The following CTNND2 variants were observed in gnomAD, a reference collection of about 807,000 sequenced individuals.
The protein encoded by CTNND2 is catenin delta 2.
A neutral mutation model predicts 144.4 loss-of-function variants in CTNND2; 22 were observed. The ratio of observed to expected loss-of-function variants is 0.15; its 90% CI spans 0.11 to 0.22. CTNND2 has a LOEUF of 0.22. CTNND2 is among the 10% of genes least tolerant of loss of function. The pLI, the probability that CTNND2 is intolerant of heterozygous loss-of-function variation, is 1.00. For missense variants in CTNND2, 1,353 were observed against 1,618.8 expected, an observed-to-expected ratio of 0.84 and a Z score of 2.82; for synonymous variants, 751 against 695.6, an observed-to-expected ratio of 1.08 and a Z score of -1.25.
intron 2 of CTNND2, among the ~76,000 whole-genome samples, chr5:11,717,324 A>G (rs970485919): frequency 1.3e-5 from 2 of 151,886 alleles, no homozygotes; most frequent in African/African-American, 4.8e-5. Context: ...CTGTAATCCC[A>G]GCACTTTGGG....
intron 1 of CTNND2, among the ~76,000 whole-genome samples, chr5:11,769,206 A>T (rs909685587): frequency 1.3e-5 from 2 of 152,132 alleles, no homozygotes; most frequent in African/African-American, 4.8e-5. Flanking sequence ...TTGAAAACCC[A>T]GACACAGAAA....
chr5:11,458,336 C>T (rs1765909502), intron 3 of CTNND2, among the ~76,000 whole-genome samples: 1 of 152,208 alleles, frequency 6.6e-6, no homozygotes, highest in Non-Finnish European at 1.5e-5. Flanking sequence ...GTAGTTTATA[C>T]ACACAGGATG....
intron 3 of CTNND2, among the ~76,000 whole-genome samples, chr5:11,520,107 A>G (rs192664662): frequency 2.5e-4 from 38 of 150,554 alleles, no homozygotes; most frequent in Admixed American, 2.5e-3. Flanking sequence ...AGATCACGCC[A>G]CTGCACTCTA....
At chr5:11,309,211 C>T (rs1750559849) in intron 9 of CTNND2, among the ~76,000 whole-genome samples, 1 of 152,158 alleles carries the variant, frequency 6.6e-6, no homozygotes, top group Admixed American at 6.5e-5. Flanking sequence ...TCCTCCAGAC[C>T]CCAGAATGGT....
chr5:11,398,268 A>G (rs1561334984), intron 5 of CTNND2, among the ~76,000 whole-genome samples: 1 of 152,226 alleles, frequency 6.6e-6, no homozygotes, highest in Non-Finnish European at 1.5e-5. Context: ...ATCACTTCTG[A>G]TAAGTATGAG....
intron 1 of CTNND2, among the ~76,000 whole-genome samples, chr5:11,840,044 A>C (rs1002037198): frequency 6.6e-6 from 1 of 152,204 alleles, no homozygotes. Flanking sequence ...AATCAACACA[A>C]AATCTTTTTT....
Position 11,304,367 on chromosome 5 carries a change from AATGT to A in CTNND2, c.1628+42001_1628+42004del, listed in dbSNP as rs1461911928. On this transcript the variant is annotated intron_variant, in intron 9 of 21. Coordinates refer to ENST00000304623, the MANE Select transcript of CTNND2 (RefSeq NM_001332.4). The stretch of plus-strand genomic sequence containing the variant: ...TTTCTCTCTCTCTTTTGTATACATT[AATGT>A]ATTACACACAGGCACACCACACACA... 2.6e-5 allele frequency among the ~76,000 whole-genome samples: 4 copies of A among 151,480 alleles called. No individual in the cohort carries two copies. The East Asian group carries it at 7.7e-4, about 29-fold the overall frequency.
intron 11 of CTNND2, among the ~76,000 whole-genome samples, chr5:11,196,308 G>A (rs1158798280): frequency 6.6e-6 from 1 of 152,072 alleles, no homozygotes; most frequent in African/African-American, 2.4e-5. Flanking sequence ...ATATATCCTA[G>A]TCTACAAATA....
At chr5:11,464,046 G>T (rs2149939912) in intron 3 of CTNND2, among the ~76,000 whole-genome samples, 1 of 152,198 alleles carries the variant, frequency 6.6e-6, no homozygotes, top group East Asian at 1.9e-4. Context: ...TTACTTCCAA[G>T]AGTTCATCTA....
intron 1 of CTNND2, among the ~76,000 whole-genome samples, chr5:11,773,426 C>T (rs2126830363): frequency 6.6e-6 from 1 of 152,246 alleles, no homozygotes; most frequent in South Asian, 2.1e-4. Context: ...ATTAGTTATG[C>T]CAATGTAGCC....
chr5:10,995,692 A>G (rs548671030), intron 18 of CTNND2, among the ~76,000 whole-genome samples: 1 of 152,128 alleles, frequency 6.6e-6, no homozygotes, highest in African/African-American at 2.4e-5. Flanking sequence ...GAATGCAGAG[A>G]AGGAAAAACC....
At chr5:11,698,181 A>G (rs13162322) in intron 2 of CTNND2, among the ~76,000 whole-genome samples, 1 of 152,174 alleles carries the variant, frequency 6.6e-6, no homozygotes, top group African/African-American at 2.4e-5. Flanking sequence ...CATTTCAGAA[A>G]CAGTTCAAAA....
chr5:11,899,234 G>A (rs1332650518), intron 1 of CTNND2, among the ~76,000 whole-genome samples: 1 of 152,112 alleles, frequency 6.6e-6, no homozygotes, highest in Non-Finnish European at 1.5e-5. Flanking sequence ...AAACAGAGCG[G>A]ATGTGTAATA....
chr5:11,729,839 C>G (rs1310680607), intron 2 of CTNND2, among the ~76,000 whole-genome samples: 1 of 152,110 alleles, frequency 6.6e-6, no homozygotes, highest in Non-Finnish European at 1.5e-5. Context: ...TAACTCTTAC[C>G]TAGCATACAA....
intron 11 of CTNND2, among the ~76,000 whole-genome samples, chr5:11,173,534 G>A (rs1760157121): frequency 6.6e-6 from 1 of 152,178 alleles, no homozygotes; most frequent in Non-Finnish European, 1.5e-5. Flanking sequence ...TTCTAAAAAG[G>A]ACCTCAGAGG....
At chr5:11,357,872 C>T (rs1365984374) in intron 8 of CTNND2, among the ~76,000 whole-genome samples, 1 of 151,920 alleles carries the variant, frequency 6.6e-6, no homozygotes, top group Non-Finnish European at 1.5e-5. Context: ...AATTTGAGAG[C>T]TTTTTCTATT....
At chr5:11,713,642 T>A (rs891301308) in intron 2 of CTNND2, among the ~76,000 whole-genome samples, 5 of 151,612 alleles carry the variant, frequency 3.3e-5, no homozygotes, top group Admixed American at 6.6e-5. Context: ...GGACAGTTTT[T>A]CTCCTAGTAT....
At chr5:11,777,543 G>A (rs1267825198) in intron 1 of CTNND2, among the ~76,000 whole-genome samples, 1 of 152,198 alleles carries the variant, frequency 6.6e-6, no homozygotes, top group Non-Finnish European at 1.5e-5. Context: ...AGGTGGTTGA[G>A]TGGTGAAGCT....
intron 1 of CTNND2, among the ~76,000 whole-genome samples, chr5:11,742,241 A>G (rs1222627714): frequency 6.6e-6 from 1 of 152,172 alleles, no homozygotes; most frequent in Non-Finnish European, 1.5e-5. Context: ...TGCTTGTCAA[A>G]TCTTGTTTCC....
Sources: allele counts gnomAD v4.1 joint callset (sites outside exome capture counted in the v4.1 genomes callset), GRCh38; gene constraint gnomAD v4.1.1; transcripts MANE v1.5; gene names NCBI Gene and HGNC (gene_info 2026-07-23, HGNC 2026-07-21).